RGS7: variants seen among roughly 807,000 people sequenced by gnomAD.
RGS7 encodes the protein regulator of G protein signaling 7.
RGS7 carries 27 observed loss-of-function variants against 81.1 expected under a neutral mutation model. That is an observed-to-expected ratio of 0.33 (90% confidence interval 0.25 to 0.46). The LOEUF is 0.46. Among genes scored for constraint, RGS7 ranks in the 20% least tolerant of loss-of-function variants. RGS7 has a pLI of 1.00. For synonymous variants in RGS7, 208 were observed against 207.7 expected (o/e 1.00, Z -0.01); for missense variants, 396 against 607.4 (o/e 0.65, Z 3.66).
intron 3 of RGS7, among the ~76,000 whole-genome samples, chr1:241,043,706 A>G (rs2060755856): frequency 1.3e-5 from 2 of 150,762 alleles, no homozygotes; most frequent in African/African-American, 4.9e-5. Flanking sequence ...AGCAAAAAAC[A>G]AGAACAATTA....
Position 240,808,262 on chromosome 1 carries a change from G to A in RGS7, c.1083-1936C>T, listed in dbSNP as rs115450548. 5.6e-3 allele frequency among the ~76,000 whole-genome samples: 847 copies of A among 152,264 alleles called. 7 individuals carry two copies. Among genetic ancestry groups the A allele is most frequent in the African/African-American group, 0.019 (809 of 41,554 alleles). ...GGAAGAGAACGAACTAGACGGTCTGGGAAAGGCAAGCAGGAAAGAGCCCCT... is the reference window on the plus strand; with the variant it reads ...GGAAGAGAACGAACTAGACGGTCTGAGAAAGGCAAGCAGGAAAGAGCCCCT... On this transcript the variant is annotated intron_variant, in intron 14 of 18. Coordinates refer to ENST00000440928, the MANE Select transcript of RGS7 (RefSeq NM_001364886.1).
At chr1:241,198,666 G>C (rs1312969067) in intron 2 of RGS7, among the ~76,000 whole-genome samples, 1 of 152,068 alleles carries the variant, frequency 6.6e-6, no homozygotes, top group Non-Finnish European at 1.5e-5. Context: ...TTCTATATTT[G>C]TGAAAGAAAA....
At chr1:241,300,821 G>T (rs1435193250) in intron 2 of RGS7, among the ~76,000 whole-genome samples, 1 of 152,184 alleles carries the variant, frequency 6.6e-6, no homozygotes, top group Non-Finnish European at 1.5e-5. Flanking sequence ...GTTTACTTTT[G>T]TAAGAAACTG....
intron 3 of RGS7, among the ~76,000 whole-genome samples, chr1:241,034,742 G>A (rs969477496): frequency 2.0e-5 from 3 of 152,166 alleles, no homozygotes; most frequent in Non-Finnish European, 4.4e-5. Context: ...GGTTCTGATG[G>A]CTATTCATTC....
At chr1:240,796,543 G>A (rs528451992) in intron 18 of RGS7, among the ~76,000 whole-genome samples, 30 of 152,042 alleles carry the variant, frequency 2.0e-4, no homozygotes, top group African/African-American at 7.0e-4. Flanking sequence ...AAAATTAGCC[G>A]GGAGTGTTGG....
chr1:240,932,975 C>T (rs1675850337), intron 5 of RGS7, among the ~76,000 whole-genome samples: 1 of 147,788 alleles, frequency 6.8e-6, no homozygotes, highest in Non-Finnish European at 1.5e-5. Context: ...GCTCCGCCTC[C>T]CGGGTTCACG....
intron 2 of RGS7, among the ~76,000 whole-genome samples, chr1:241,289,139 T>C (rs1242974807): frequency 6.6e-6 from 1 of 152,204 alleles, no homozygotes; most frequent in Non-Finnish European, 1.5e-5. Context: ...CCCCCATACC[T>C]GGGACAATGC....
rs1187591538 is a variant in RGS7, at chr1:240,901,464, TATTTACAGC to T, written c.385+29244_385+29252del. On this transcript the variant is annotated intron_variant, in intron 6 of 18. Coordinates refer to ENST00000440928, the MANE Select transcript of RGS7 (RefSeq NM_001364886.1). ...TCTTTATAAATTACCCAGTCTCAGGTATTTACAGCAATGCAAGAATAACCTACCACACCA... is the reference window on the plus strand; with the variant it reads ...TCTTTATAAATTACCCAGTCTCAGGTAATGCAAGAATAACCTACCACACCA... 1.6e-4 allele frequency among the ~76,000 whole-genome samples: 25 copies of T among 152,302 alleles called. No individual in the cohort carries two copies. In the East Asian group the frequency reaches 4.6e-3, roughly 28 times the overall value.
chr1:240,836,274 C>A (rs1410366417), intron 9 of RGS7, among the ~76,000 whole-genome samples: 1 of 152,020 alleles, frequency 6.6e-6, no homozygotes, highest in Non-Finnish European at 1.5e-5. Context: ...AAAAAGCAAC[C>A]AAACAAACAA....
At chr1:240,827,715 T>A (rs1211211760) in intron 9 of RGS7, among the ~76,000 whole-genome samples, 1 of 151,754 alleles carries the variant, frequency 6.6e-6, no homozygotes, top group East Asian at 1.9e-4. Flanking sequence ...ATACAAAAAA[T>A]TAGCTGGGCG....
chr1:241,076,293 C>T (rs911857615), intron 3 of RGS7, among the ~76,000 whole-genome samples: 4 of 152,144 alleles, frequency 2.6e-5, no homozygotes, highest in Non-Finnish European at 4.4e-5. Context: ...CGGGTTAACC[C>T]AGCCCTCCTG....
intron 2 of RGS7, among the ~76,000 whole-genome samples, chr1:241,272,485 C>G (rs183893297): frequency 1.5e-4 from 23 of 152,308 alleles, no homozygotes; most frequent in African/African-American, 5.1e-4. Context: ...TATATTTTGT[C>G]ATGGCTTTTG....
intron 3 of RGS7, among the ~76,000 whole-genome samples, chr1:241,001,353 G>C (rs1242626041): frequency 6.6e-6 from 1 of 151,932 alleles, no homozygotes; most frequent in Non-Finnish European, 1.5e-5. Context: ...AAAAGATTGA[G>C]GTTTAAATGA....
intron 2 of RGS7, among the ~76,000 whole-genome samples, chr1:241,178,170 T>C (rs1016466963): frequency 2.0e-5 from 3 of 152,162 alleles, no homozygotes; most frequent in Middle Eastern, 6.8e-3. Context: ...CAGGCATCTG[T>C]AGTCCCAGCT....
chr1:240,825,711 T>C (rs1692680901), intron 10 of RGS7, among the ~76,000 whole-genome samples: 1 of 152,134 alleles, frequency 6.6e-6, no homozygotes. Flanking sequence ...TGAGGGCTGA[T>C]GGTATGTAAA....
chr1:241,233,313 G>T (rs879288961), intron 2 of RGS7, among the ~76,000 whole-genome samples: 8 of 152,106 alleles, frequency 5.3e-5, no homozygotes, highest in Middle Eastern at 3.2e-3. Flanking sequence ...CTGATCTACG[G>T]AACACCAGGT....
intron 2 of RGS7, among the ~76,000 whole-genome samples, chr1:241,115,335 T>C (rs940670248): frequency 1.3e-5 from 2 of 152,184 alleles, no homozygotes; most frequent in South Asian, 2.1e-4. Flanking sequence ...TAAATTTTTA[T>C]GCAAGTTCTA....
intron 9 of RGS7, among the ~76,000 whole-genome samples, chr1:240,845,977 T>G (rs1013568698): frequency 6.6e-6 from 1 of 152,214 alleles, no homozygotes; most frequent in Non-Finnish European, 1.5e-5. Flanking sequence ...AAGAAAAATC[T>G]GTGTGCTTTT....
intron 2 of RGS7, among the ~76,000 whole-genome samples, chr1:241,124,033 T>C (rs1333903816): frequency 6.6e-6 from 1 of 152,118 alleles, no homozygotes; most frequent in East Asian, 1.9e-4. Flanking sequence ...ATCACTCCAA[T>C]TTCTTAGGTC....
Sources: gnomAD v4.1 joint callset for allele counts (sites outside exome capture counted in the v4.1 genomes callset) on GRCh38, gnomAD v4.1.1 for gene constraint, MANE v1.5 for transcripts, NCBI Gene and HGNC (gene_info 2026-07-23, HGNC 2026-07-21) for gene names.